EXT1: variants seen among roughly 807,000 people sequenced by gnomAD.
The protein encoded by EXT1 is exostosin glycosyltransferase 1.
EXT1 carries 20 observed loss-of-function variants against 82.5 expected under a neutral mutation model. That is an observed-to-expected ratio of 0.24 (90% CI 0.17 to 0.35). The LOEUF (loss-of-function observed/expected upper bound fraction) is 0.35. EXT1 is among the 10% of genes least tolerant of loss of function. EXT1 has a pLI of 1.00. For synonymous variants in EXT1, 348 were observed against 350.8 expected, an observed-to-expected ratio of 0.99 and a Z score of 0.09; for missense variants, 757 against 936.5, an observed-to-expected ratio of 0.81 and a Z score of 2.50.
At chr8:117,901,140 G>A (rs1813440315) in intron 1 of EXT1, among the ~76,000 whole-genome samples, 1 of 152,158 alleles carries the variant, frequency 6.6e-6, no homozygotes. Flanking sequence ...TAACAATGGG[G>A]TTACGTTCTA....
intron 1 of EXT1, among the ~76,000 whole-genome samples, chr8:117,977,168 C>A (rs1815081727): frequency 6.6e-6 from 1 of 152,032 alleles, no homozygotes; most frequent in African/African-American, 2.4e-5. Flanking sequence ...GGGTGGATCA[C>A]CTGAGGTCAG....
chr8:117,849,317 T>A (rs1367316433), intron 1 of EXT1, among the ~76,000 whole-genome samples: 3 of 152,208 alleles, frequency 2.0e-5, no homozygotes, highest in Non-Finnish European at 4.4e-5. Context: ...TAATGTATAC[T>A]GCATGAGAGA....
At position 117,799,561 on chromosome 8, in the gene EXT1, A is replaced by G. The variant is rs751063786; in HGVS notation, c.*151T>C. The G allele has an allele frequency of 3.9e-4, 334 of 857,048 alleles. 2 individuals carry two copies. The highest frequency in any genetic ancestry group is 5.4e-4 in the Non-Finnish European group (298 of 547,278). 53.1% of individuals were successfully genotyped at this position (857,048 alleles called of 1,614,324 possible). On this transcript the variant is annotated 3_prime_UTR_variant, in exon 11 of 11. Transcript: ENST00000378204. The stretch of plus-strand genomic sequence containing the variant: ...CCCAGGAGCCAGGAGTTGAGTTCTC[A>G]TTGGCCTTTTTTTTTTTGTCATTCT...
intron 1 of EXT1, among the ~76,000 whole-genome samples, chr8:118,001,560 A>C (rs1815666776): frequency 6.6e-6 from 1 of 152,062 alleles, no homozygotes. Flanking sequence ...ACTCTGCTTT[A>C]CTGACATAAA....
intron 1 of EXT1, among the ~76,000 whole-genome samples, chr8:117,837,810 G>T (rs1792693291): frequency 6.6e-6 from 1 of 151,472 alleles, no homozygotes. Flanking sequence ...TGAGAGAGAA[G>T]GATGCTAGCC....
At chr8:117,886,650 T>C (rs950489135) in intron 1 of EXT1, among the ~76,000 whole-genome samples, 27 of 152,174 alleles carry the variant, frequency 1.8e-4, no homozygotes, top group Admixed American at 5.2e-4. Flanking sequence ...AACTAGATAT[T>C]TACCCAGTCA....
At chr8:117,868,448 A>G (rs1483830630) in intron 1 of EXT1, among the ~76,000 whole-genome samples, 1 of 150,966 alleles carries the variant, frequency 6.6e-6, no homozygotes, top group Non-Finnish European at 1.5e-5. Flanking sequence ...TTAATTTAAA[A>G]ATGTTTTGTT....
At chr8:118,096,794 T>G (rs1327069560) in intron 1 of EXT1, among the ~76,000 whole-genome samples, 1 of 152,004 alleles carries the variant, frequency 6.6e-6, no homozygotes, top group East Asian at 1.9e-4. Context: ...GACAAGAAAC[T>G]CTGGGTGAAC....
At position 118,110,369 on chromosome 8, in the gene EXT1, G is replaced by T. The variant is rs1336562431; in HGVS notation, c.678C>A (p.Phe226Leu). 1 of 1,614,088 alleles carries T rather than the reference G, an allele frequency of 6.2e-7. No individual in the cohort carries two copies. The highest frequency in any genetic ancestry group is 8.5e-7 in the Non-Finnish European group (1 of 1,180,050). The change falls in exon 1 of 11, where the codon TTC (phenylalanine) becomes TTA (leucine). Residue 226 changes from phenylalanine (F) to leucine (L), a missense_variant. Physicochemically the swap from Phe to Leu is conservative, Grantham distance 22. Coordinates refer to ENST00000378204, the MANE Select transcript of EXT1 (RefSeq NM_000127.3). ...LAKASISTEN[F>L]RPNFDVSIPL... ...GAATAGAAACATCAAAGTTGGGTCG[G>T]AAGTTTTCAGTACTGATGCTGGCTT... is the stretch of plus-strand genomic sequence containing the variant.
chr8:117,998,709 A>C (rs1048332536), intron 1 of EXT1, among the ~76,000 whole-genome samples: 3 of 152,192 alleles, frequency 2.0e-5, no homozygotes, highest in Non-Finnish European at 2.9e-5. Flanking sequence ...ACACAAATAT[A>C]GAAGAGCTGA....
chr8:118,088,684 C>CT (rs34437784), intron 1 of EXT1, among the ~76,000 whole-genome samples: 267 of 144,902 alleles, frequency 1.8e-3, no homozygotes, highest in Middle Eastern at 7.0e-3. Context: ...GATGCCTTCT[C>CT]TTTTTTTTTT....
At chr8:117,945,021 G>A (rs561028515) in intron 1 of EXT1, among the ~76,000 whole-genome samples, 102 of 152,294 alleles carry the variant, frequency 6.7e-4, no homozygotes, top group Middle Eastern at 3.4e-3. Context: ...AATTAGCCGG[G>A]CGCGGTGGTG....
At chr8:118,079,337 A>T (rs541018553) in intron 1 of EXT1, among the ~76,000 whole-genome samples, 1 of 152,364 alleles carries the variant, frequency 6.6e-6, no homozygotes, top group Admixed American at 6.5e-5. Flanking sequence ...CCCTCTGTGC[A>T]TGAAGAGTAT....
chr8:117,939,120 G>A (rs753661655), intron 1 of EXT1, among the ~76,000 whole-genome samples: 11 of 151,914 alleles, frequency 7.2e-5, no homozygotes, highest in Admixed American at 2.6e-4. Context: ...CCTATTCCAT[G>A]GACTGTCCCC....
At chr8:117,804,492 A>G (rs962658561) in intron 10 of EXT1, among the ~76,000 whole-genome samples, 4 of 152,216 alleles carry the variant, frequency 2.6e-5, no homozygotes, top group Admixed American at 2.6e-4. Flanking sequence ...GTCACCTTAA[A>G]GATTATAGGA....
At chr8:117,980,217 G>T (rs1815158466) in intron 1 of EXT1, among the ~76,000 whole-genome samples, 5 of 152,136 alleles carry the variant, frequency 3.3e-5, no homozygotes, top group Admixed American at 3.3e-4. Flanking sequence ...GATAATATGA[G>T]AAAAGAACAA....
chr8:117,902,869 T>C (rs1025411435), intron 1 of EXT1, among the ~76,000 whole-genome samples: 2 of 152,232 alleles, frequency 1.3e-5, no homozygotes, highest in Admixed American at 6.5e-5. Flanking sequence ...ATGTTGCAAA[T>C]ACATCCAACA....
intron 1 of EXT1, among the ~76,000 whole-genome samples, chr8:117,849,706 T>C (rs1244207136): frequency 1.3e-5 from 2 of 152,210 alleles, no homozygotes; most frequent in African/African-American, 2.4e-5. Context: ...GAGATGTTTA[T>C]GTAAAGTGAT....
At chr8:117,997,270 T>TTATA (rs10631517) in intron 1 of EXT1, among the ~76,000 whole-genome samples, 10 of 144,078 alleles carry the variant, frequency 6.9e-5, no homozygotes, top group South Asian at 4.3e-4. Flanking sequence ...TATACACACT[T>TTATA]TATATATATA....
Sources: gnomAD v4.1 joint callset for allele counts (sites outside exome capture counted in the v4.1 genomes callset) on GRCh38, gnomAD v4.1.1 for gene constraint, MANE v1.5 for transcripts, NCBI Gene and HGNC (gene_info 2026-07-23, HGNC 2026-07-21) for gene names.